PDZRN3: variants seen among roughly 807,000 people sequenced by gnomAD.
The protein encoded by PDZRN3 is E3 ubiquitin-protein ligase PDZRN3.
In PDZRN3, 38 loss-of-function variants were observed where a neutral mutation model predicts 85.7. The ratio of observed to expected loss-of-function variants is 0.44; its 90% CI spans 0.34 to 0.58. PDZRN3 has a LOEUF of 0.58. Ranked by LOEUF, PDZRN3 falls within the 20% of genes least tolerant of loss-of-function variation. PDZRN3 has a pLI of 0.01. For synonymous variants in PDZRN3, 759 were observed against 638.0 expected (o/e 1.19, Z -2.86); for missense variants, 1,629 against 1,506.4 (o/e 1.08, Z -1.35).
chr3:73,417,363 TAG>T (rs1463675494), intron 3 of PDZRN3, among the ~76,000 whole-genome samples: 1 of 152,202 alleles, frequency 6.6e-6, no homozygotes, highest in Non-Finnish European at 1.5e-5. Flanking sequence ...CAGGCTTTCT[TAG>T]AGTGAGGAGC....
intron 3 of PDZRN3, among the ~76,000 whole-genome samples, chr3:73,554,549 G>A (rs28422162): frequency 2.1e-3 from 317 of 152,202 alleles, no homozygotes; most frequent in African/African-American, 6.8e-3. Flanking sequence ...CATAATGTAC[G>A]TTCAAAGGGA....
At chr3:73,612,764 T>C (rs1169334779) in intron 1 of PDZRN3, among the ~76,000 whole-genome samples, 2 of 152,242 alleles carry the variant, frequency 1.3e-5, no homozygotes, top group Non-Finnish European at 2.9e-5. Context: ...AGTCAGAACC[T>C]GTGATGTTTC....
chr3:73,567,634 T>C (rs554784390), intron 3 of PDZRN3, among the ~76,000 whole-genome samples: 2 of 152,190 alleles, frequency 1.3e-5, no homozygotes, highest in Non-Finnish European at 2.9e-5. Context: ...ACTCTACACA[T>C]ATTGAAGTCT....
At chr3:73,476,285 G>A (rs1703447161) in intron 3 of PDZRN3, among the ~76,000 whole-genome samples, 2 of 152,198 alleles carry the variant, frequency 1.3e-5, no homozygotes, top group South Asian at 4.1e-4. Context: ...AGGTGAAGGG[G>A]AAGCTGGCAC....
At chr3:73,582,213 G>A (rs1702213194) in intron 3 of PDZRN3, among the ~76,000 whole-genome samples, 1 of 152,204 alleles carries the variant, frequency 6.6e-6, no homozygotes, top group Non-Finnish European at 1.5e-5. Flanking sequence ...TTACCTCAGG[G>A]TATGGGAAGA....
chr3:73,479,694 A>G (rs1443920544), intron 3 of PDZRN3, among the ~76,000 whole-genome samples: 2 of 152,204 alleles, frequency 1.3e-5, no homozygotes, highest in African/African-American at 4.8e-5. Context: ...TGGATGGAGC[A>G]ACCCCCAAAA....
intron 3 of PDZRN3, among the ~76,000 whole-genome samples, chr3:73,575,951 C>T (rs1432872882): frequency 6.6e-6 from 1 of 151,906 alleles, no homozygotes; most frequent in Non-Finnish European, 1.5e-5. Context: ...GGAGAAATAT[C>T]ATAGAAAGAG....
At chr3:73,619,857 G>T (rs1162256124) in intron 1 of PDZRN3, among the ~76,000 whole-genome samples, 1 of 152,224 alleles carries the variant, frequency 6.6e-6, no homozygotes, top group African/African-American at 2.4e-5. Context: ...GCTAGGTAAA[G>T]AAGGAATTGA....
At chr3:73,547,004 C>T (rs898645074) in intron 3 of PDZRN3, among the ~76,000 whole-genome samples, 12 of 152,310 alleles carry the variant, frequency 7.9e-5, no homozygotes, top group African/African-American at 2.9e-4. Context: ...TACCCAGGTT[C>T]TGCCTCTGAA....
In PDZRN3 at chr3:73,384,244, G is replaced by A; in HGVS notation, c.2322C>T (p.Ser774=). ...CCGCTCTCCTCAAGGAGTTGTCGGG[G>A]GAGATCTCCAGGGTGAGCGGGGTGC... ...CRSTPLTLEI[S]PDNSLRRAAE... The change falls in exon 10 of 10, where the codon TCC becomes TCT. Residue 774 remains serine (S), a synonymous_variant. Coordinates refer to ENST00000263666, the MANE Select transcript of PDZRN3 (RefSeq NM_015009.3). The A allele has an allele frequency of 5.0e-6, 8 of 1,613,508 alleles. No individual in the cohort carries two copies. The highest frequency in any genetic ancestry group is 6.8e-6 in the Non-Finnish European group (8 of 1,179,940).
intron 9 of PDZRN3, among the ~76,000 whole-genome samples, chr3:73,385,268 C>G (rs1205029525): frequency 6.6e-6 from 1 of 152,166 alleles, no homozygotes; most frequent in Non-Finnish European, 1.5e-5. Context: ...AATAAGGACT[C>G]AATAAGTGGC....
chr3:73,384,648 C>T lies in PDZRN3; in HGVS notation c.1918G>A (p.Val640Met). The stretch of plus-strand genomic sequence containing the variant: ...TCGCGGAAGCGCTCGCACTCGTCCA[C>T]CGGGATCCCCAGGTAGTCGGCGTCC... The part of the protein sequence containing the change: ...CTDADYLGIP[V>M]DECERFRELL... Residue 640 changes from valine to methionine, a missense_variant, in exon 10 of 10, where the codon GTG becomes ATG. Val to Met is a conservative substitution (Grantham distance 21). Transcript: ENST00000263666. 6.2e-7 allele frequency: 1 copy of T among 1,613,924 alleles called. No homozygotes were observed. Among genetic ancestry groups the T allele is most frequent in the South Asian group, 1.1e-5 (1 of 91,080 alleles).
rs554921869 is a variant in PDZRN3 at position 73,544,466 on chromosome 3, ATAATT to A, written c.918+57883_918+57887del. The stretch of plus-strand genomic sequence containing the variant: ...ATGGAGGTATAATTGACAAATAAAA[ATAATT>A]TAAGGTATGCTAGTTGATATGATAG... On this transcript the variant is annotated intron_variant, in intron 3 of 9. Transcript: ENST00000263666. 6.3e-3 allele frequency among the ~76,000 whole-genome samples: 967 copies of A among 152,286 alleles called. 6 individuals are homozygous for A. Among genetic ancestry groups the A allele is most frequent in the Non-Finnish European group, 9.5e-3 (643 of 68,010 alleles).
chr3:73,555,980 T>A (rs1701686486), intron 3 of PDZRN3, among the ~76,000 whole-genome samples: 1 of 152,174 alleles, frequency 6.6e-6, no homozygotes, highest in African/African-American at 2.4e-5. Context: ...GAAAAGGCAA[T>A]AATTACAAAA....
intron 3 of PDZRN3, among the ~76,000 whole-genome samples, chr3:73,443,106 G>C (rs1702674122): frequency 6.6e-6 from 1 of 152,164 alleles, no homozygotes; most frequent in South Asian, 2.1e-4. Flanking sequence ...CAGTGTCATG[G>C]GTGGAAATAA....
intron 3 of PDZRN3, among the ~76,000 whole-genome samples, chr3:73,546,873 C>T (rs1701434393): frequency 6.6e-6 from 1 of 152,284 alleles, no homozygotes; most frequent in South Asian, 2.1e-4. Context: ...TTTTATTACA[C>T]CGTATGCATC....
intron 3 of PDZRN3, among the ~76,000 whole-genome samples, chr3:73,409,134 T>G (rs181575249): frequency 1.3e-5 from 2 of 152,318 alleles, no homozygotes; most frequent in East Asian, 3.9e-4. Context: ...CCCCTGGGAC[T>G]TAGGTGCAAT....
rs370123135 is a variant in PDZRN3 at position 73,568,418 on chromosome 3, T to C, written c.918+33936A>G. ...GTTTCATACTGCATCTCTCAAGCAG[T>C]AAAATTAAAACTAGTTTTGACTTGA... On this transcript the variant is annotated intron_variant, in intron 3 of 9. Transcript: ENST00000263666. Among the ~76,000 whole-genome samples, 28 of 152,284 alleles carry C rather than the reference T, an allele frequency of 1.8e-4. No homozygotes were observed. In the South Asian group the frequency reaches 5.8e-3, roughly 32 times the overall value.
intron 3 of PDZRN3, among the ~76,000 whole-genome samples, chr3:73,504,371 C>G (rs1246669952): frequency 2.6e-5 from 4 of 152,180 alleles, no homozygotes; most frequent in African/African-American, 9.7e-5. Context: ...TTACTCAGCC[C>G]TTCTCAGGAG....
Sources: gnomAD v4.1 joint callset for allele counts (sites outside exome capture counted in the v4.1 genomes callset) on GRCh38, gnomAD v4.1.1 for gene constraint, MANE v1.5 for transcripts, NCBI Gene and HGNC (gene_info 2026-07-23, HGNC 2026-07-21) for gene names.